Variants in CSF1R observed in about 807,000 individuals in gnomAD.
The protein encoded by CSF1R is colony stimulating factor 1 receptor.
A neutral mutation model predicts 110.0 loss-of-function variants in CSF1R; 40 were observed. That is an observed-to-expected ratio of 0.36 (90% CI 0.28 to 0.47). The LOEUF (loss-of-function observed/expected upper bound fraction) is 0.47, where lower values mean the gene tolerates loss of function less well. Among genes scored for constraint, CSF1R ranks in the 20% least tolerant of loss-of-function variants. The probability of loss-of-function intolerance (pLI) is 0.99; values close to 1 mark genes in which losing one functional copy is unlikely to be tolerated. For missense variants in CSF1R, 1,052 were observed against 1,253.0 expected, an observed-to-expected ratio of 0.84 and a Z score of 2.42; for synonymous variants, 523 against 503.4, an observed-to-expected ratio of 1.04 and a Z score of -0.52.
intron 1 of CSF1R, among the ~76,000 whole-genome samples, chr5:150,091,693 G>C (rs567249039): frequency 1.3e-5 from 2 of 152,170 alleles, no homozygotes; most frequent in South Asian, 4.1e-4. Context: ...GGTGATGGCT[G>C]CCCAGCATTG....
chr5:150,074,305 GTTTTTTTTT>G (rs35475636), intron 5 of CSF1R, among the ~76,000 whole-genome samples: 2 of 126,864 alleles, frequency 1.6e-5, no homozygotes, highest in African/African-American at 5.9e-5. Flanking sequence ...GTCCTGACTA[GTTTTTTTTT>G]TTTTTTTTTT....
chr5:150,055,104 G>T (rs1757143668), intron 19 of CSF1R, 133 bp downstream of exon 19: 3 of 712,778 alleles, frequency 4.2e-6, no homozygotes, highest in African/African-American at 1.7e-5. Flanking sequence ...GGCTTGTTGT[G>T]TCCACTATGG....
upstream of CSF1R, among the ~76,000 whole-genome samples, chr5:150,091,221 G>A (rs978903915): frequency 1.3e-5 from 2 of 152,204 alleles, no homozygotes; most frequent in African/African-American, 2.4e-5. Flanking sequence ...ATGGTAATCA[G>A]TTTGACAATT....
In CSF1R at chr5:150,069,866, C is replaced by T; in HGVS notation, c.1510+7G>A. 6.3e-7 allele frequency: 1 copy of T among 1,599,968 alleles called. No homozygotes were observed. Among genetic ancestry groups the T allele is most frequent in the Non-Finnish European group, 8.5e-7 (1 of 1,170,770 alleles). Reference sequence around the variant, plus strand: ...GGGGCGGTGCGGGTGCGAAGGCTCCCTCTCACCTGCAGAGATGGGTATGAA... The same window carrying T: ...GGGGCGGTGCGGGTGCGAAGGCTCCTTCTCACCTGCAGAGATGGGTATGAA... On this transcript the variant is annotated splice_region_variant and intron_variant, in intron 9 of 20. Coordinates refer to ENST00000675795, the MANE Select transcript of CSF1R (RefSeq NM_001288705.3).
intron 9 of CSF1R, 104 bp from the exon 10 acceptor site, chr5:150,068,434 T>A: frequency 1.4e-6 from 1 of 716,620 alleles, no homozygotes; most frequent in Non-Finnish European, 2.3e-6. Flanking sequence ...CAATAAATGC[T>A]TGTTGACTGA....
upstream of CSF1R, among the ~76,000 whole-genome samples, chr5:150,088,663 A>G (rs1351219850): frequency 6.6e-6 from 1 of 152,128 alleles, no homozygotes; most frequent in East Asian, 1.9e-4. Flanking sequence ...ACTCCCGAGT[A>G]GCTGGGATTA....
At chr5:150,107,765 G>A (rs540576756) in intron 1 of CSF1R, among the ~76,000 whole-genome samples, 3 of 152,394 alleles carry the variant, frequency 2.0e-5, no homozygotes, top group East Asian at 3.9e-4. Flanking sequence ...CAGGTCCCCG[G>A]CCTTTCAAGG....
Position 150,068,341 on chromosome 5 carries a change from T to G in CSF1R, c.1511-11A>C, listed in dbSNP as rs760535835. The stretch of plus-strand genomic sequence containing the variant: ...GATGCGTGTGGGCTCCTGGAAGGCA[T>G]GAAGCAAAGCAGTGAGCAGGCAGGG... On this transcript the variant is annotated splice_polypyrimidine_tract_variant and intron_variant, in intron 9 of 20. Transcript: ENST00000675795. 4 of 1,608,700 alleles carry G rather than the reference T, an allele frequency of 2.5e-6. No individual in the cohort carries two copies. In the South Asian group the frequency reaches 3.3e-5, roughly 13 times the overall value.
chr5:150,083,620 GC>G (rs1364627395), intron 1 of CSF1R, among the ~76,000 whole-genome samples: 43 of 151,730 alleles, frequency 2.8e-4, no homozygotes. Context: ...AAACCATCTG[GC>G]CCCCCTCCCA....
chr5:150,078,098 C>A lies in CSF1R; in HGVS notation c.729+14G>T. 1 of 1,613,918 alleles carries A rather than the reference C, an allele frequency of 6.2e-7. No homozygotes were observed. On this transcript the variant is annotated intron_variant, in intron 4 of 20. Coordinates refer to ENST00000675795, the MANE Select transcript of CSF1R (RefSeq NM_001288705.3). ...GGATGGCCAGACTTCACCTTGTGAT[C>A]TGCAGGGACTGACCTTGGTGTTGTT...
chr5:150,081,010 C>A lies in CSF1R; in HGVS notation c.64G>T (p.Val22Leu). Reference sequence around the variant, plus strand: ...AGCTCAGGGACACTGGGCTCTATCACTGGGATTCCCTGACCTGGTGGGAGA... The same window carrying A: ...AGCTCAGGGACACTGGGCTCTATCAATGGGATTCCCTGACCTGGTGGGAGA... ...ATAWHGQGIP[V>L]IEPSVPELVV... Residue 22 changes from valine to leucine, a missense_variant, in exon 2 of 21, where the codon GTG (valine) becomes TTG (leucine). Physicochemically the swap from Val to Leu is conservative, Grantham distance 32. Around this residue, in one of 5 missense-constraint regions of CSF1R, gnomAD observed 693 missense variants for 735.4 expected, o/e 0.94. Coordinates refer to ENST00000675795, the MANE Select transcript of CSF1R (RefSeq NM_001288705.3). 6.2e-7 allele frequency: 1 copy of A among 1,613,946 alleles called. No individual in the cohort carries two copies. The highest frequency in any genetic ancestry group is 8.5e-7 in the Non-Finnish European group (1 of 1,179,854).
chr5:150,071,633 T>G (rs1758036080), intron 6 of CSF1R, among the ~76,000 whole-genome samples: 1 of 152,328 alleles, frequency 6.6e-6, no homozygotes, highest in East Asian at 1.9e-4. Context: ...TAAAATTCTG[T>G]GGCTGTTTGG....
chr5:150,111,445 G>A (rs1581358408), intron 1 of CSF1R, among the ~76,000 whole-genome samples: 1 of 152,212 alleles, frequency 6.6e-6, no homozygotes, highest in East Asian at 1.9e-4. Context: ...CTCTGCACAG[G>A]GGCCTGAGAG....
intron 1 of CSF1R, among the ~76,000 whole-genome samples, chr5:150,103,542 T>C (rs1315646230): frequency 3.9e-5 from 6 of 152,232 alleles, no homozygotes; most frequent in Admixed American, 2.6e-4. Flanking sequence ...AGGTCATCAA[T>C]GTGACATTAA....
intron 5 of CSF1R, among the ~76,000 whole-genome samples, chr5:150,074,095 C>T (rs763514223): frequency 6.6e-5 from 10 of 152,082 alleles, no homozygotes; most frequent in Non-Finnish European, 1.2e-4. Flanking sequence ...TACTACAAGG[C>T]GGATAGTCGG....
chr5:150,059,117 T>C (rs1757381520), intron 14 of CSF1R, among the ~76,000 whole-genome samples: 1 of 152,178 alleles, frequency 6.6e-6, no homozygotes, highest in Non-Finnish European at 1.5e-5. Context: ...TGATCTCAGC[T>C]CACAGCAACC....
rs1026276757 is a variant in CSF1R, at chr5:150,078,755, T to G, written c.593-507A>C. Among the ~76,000 whole-genome samples, 4 of 152,184 alleles carry G rather than the reference T, an allele frequency of 2.6e-5. No individual in the cohort carries two copies. The East Asian group carries it at 7.7e-4, about 29-fold the overall frequency. On this transcript the variant is annotated intron_variant, in intron 3 of 20. Coordinates refer to ENST00000675795, the MANE Select transcript of CSF1R (RefSeq NM_001288705.3). Reference sequence around the variant, plus strand: ...GACCTCTTTCCTACCACAGGGCCTTTGCACCCACCTTTCCCTCCTGGAATG... The same window carrying G: ...GACCTCTTTCCTACCACAGGGCCTTGGCACCCACCTTTCCCTCCTGGAATG...
In CSF1R at chr5:150,080,094, T is replaced by C. The variant is rs755627444; in HGVS notation, c.550A>G (p.Arg184Gly). 1 of 1,614,042 alleles carries C rather than the reference T, an allele frequency of 6.2e-7. No homozygotes were observed. The highest frequency in any genetic ancestry group is 1.3e-5 in the African/African-American group (1 of 74,948). ...CGGATGCTGATGGACATCACCTTCC[T>C]GCCACCCATCAGGGCACTGCATTGA... The part of the protein sequence containing the change: ...DYQCSALMGG[R>G]KVMSISIRLK... Residue 184 changes from arginine (R) to glycine (G), a missense_variant, in exon 3 of 21, where the codon AGG (arginine) becomes GGG (glycine). Coordinates refer to ENST00000675795, the MANE Select transcript of CSF1R (RefSeq NM_001288705.3).
At chr5:150,058,958 C>T (rs2113785738) in intron 14 of CSF1R, among the ~76,000 whole-genome samples, 1 of 152,268 alleles carries the variant, frequency 6.6e-6, no homozygotes, top group South Asian at 2.1e-4. Flanking sequence ...TCCCCACTTC[C>T]TCTCTTTGGT....
Sources: gnomAD v4.1 joint callset for allele counts (sites outside exome capture counted in the v4.1 genomes callset) on GRCh38, gnomAD v4.1.1 for gene constraint, gnomAD v4.1.1 regional missense constraint, MANE v1.5 for transcripts, NCBI Gene and HGNC (gene_info 2026-07-23, HGNC 2026-07-21) for gene names.